ATP9B: variants seen among roughly 807,000 people sequenced by gnomAD.
The protein encoded by ATP9B is probable phospholipid-transporting ATPase IIB.
A neutral mutation model predicts 146.1 loss-of-function variants in ATP9B; 110 were observed. The observed-to-expected ratio is 0.75, with a 90% confidence interval of 0.65 to 0.88. ATP9B has a LOEUF of 0.88. Among genes scored for constraint, ATP9B ranks in the 40% least tolerant of loss-of-function variants. The pLI is 0.00. For synonymous variants in ATP9B, 604 were observed against 569.7 expected (o/e 1.06, Z -0.86); for missense variants, 1,499 against 1,496.4 (o/e 1.00, Z -0.03).
chr18:79,250,490 G>C (rs1468329134), intron 11 of ATP9B, among the ~76,000 whole-genome samples: 1 of 152,160 alleles, frequency 6.6e-6, no homozygotes, highest in Admixed American at 6.6e-5. Context: ...CTGATCCTCA[G>C]TGAGGCCTGA....
chr18:79,246,415 CTG>C (rs1317730567), intron 11 of ATP9B, among the ~76,000 whole-genome samples: 3 of 152,246 alleles, frequency 2.0e-5, no homozygotes, highest in African/African-American at 7.2e-5. Context: ...GCCCTACTGA[CTG>C]TGCACAGCAT....
chr18:79,071,650 G>A (rs1032457281), intron 1 of ATP9B, among the ~76,000 whole-genome samples: 6 of 151,862 alleles, frequency 4.0e-5, no homozygotes, highest in Admixed American at 1.3e-4. Flanking sequence ...GGATTAAGGC[G>A]TGAGCCATGG....
In ATP9B at chr18:79,348,173, G is replaced by T; in HGVS notation, c.2880G>T (p.Leu960Phe). Residue 960 changes from leucine (L) to phenylalanine (F), a missense_variant, in exon 25 of 30, where the codon TTG (leucine) becomes TTT (phenylalanine). Coordinates refer to ENST00000426216, the MANE Select transcript of ATP9B (RefSeq NM_198531.5). ...SSVFYFASVP[L>F]YQGFLMVGYA... ...TCTTCTACTTCGCATCCGTCCCTTT[G>T]TATCAGGGCTTCCTCATGGTGGGGT... The T allele has an allele frequency of 6.4e-7, 1 of 1,563,924 alleles. No individual in the cohort carries two copies. The highest frequency in any genetic ancestry group is 8.7e-7 in the Non-Finnish European group (1 of 1,152,222).
intron 12 of ATP9B, among the ~76,000 whole-genome samples, chr18:79,259,518 G>A (rs1476705131): frequency 6.6e-6 from 1 of 152,230 alleles, no homozygotes; most frequent in Non-Finnish European, 1.5e-5. Flanking sequence ...AGAACCTCTT[G>A]TAAATACAGT....
chr18:79,160,051 T>TTGCTGTTTGTGTTCTGTGTGTC (rs2094854018), intron 7 of ATP9B, among the ~76,000 whole-genome samples: 1 of 152,254 alleles, frequency 6.6e-6, no homozygotes, highest in Non-Finnish European at 1.5e-5. Context: ...ATCTGCAATT[T>TTGCTGTTTGTGTTCTGTGTGTC]TGCTGTTTGT....
At chr18:79,210,244 G>A (rs959068401) in intron 10 of ATP9B, among the ~76,000 whole-genome samples, 2 of 152,240 alleles carry the variant, frequency 1.3e-5, no homozygotes, top group African/African-American at 4.8e-5. Flanking sequence ...AGCATACAAA[G>A]GAGTGTTCCT....
chr18:79,306,885 A>G (rs1287388107), intron 14 of ATP9B, 101 bp from the exon 15 acceptor site: 5 of 1,334,646 alleles, frequency 3.7e-6, no homozygotes, highest in Non-Finnish European at 5.1e-6. Flanking sequence ...ACTTATTTCT[A>G]GCTACTTTGC....
intron 11 of ATP9B, among the ~76,000 whole-genome samples, chr18:79,246,863 C>G (rs182572052): frequency 1.3e-5 from 2 of 152,352 alleles, no homozygotes; most frequent in South Asian, 2.1e-4. Flanking sequence ...GCCTCCTCCT[C>G]CTCCTGATTT....
chr18:79,296,369 A>G (rs544524988), intron 13 of ATP9B, among the ~76,000 whole-genome samples: 25 of 152,330 alleles, frequency 1.6e-4, no homozygotes, highest in Non-Finnish European at 3.5e-4. Flanking sequence ...TAGTTTCAAA[A>G]ATCAATTACT....
At chr18:79,375,537 A>G (rs897429234) in intron 29 of ATP9B, 111 bp downstream of exon 29, 14 of 1,520,238 alleles carry the variant, frequency 9.2e-6, no homozygotes, top group African/African-American at 1.4e-5. Context: ...AGTGTTCCTC[A>G]GGAACTCTCT....
intron 1 of ATP9B, among the ~76,000 whole-genome samples, chr18:79,090,001 C>G (rs1167450803): frequency 2.6e-5 from 4 of 152,184 alleles, no homozygotes; most frequent in Admixed American, 6.5e-5. Context: ...TAAGCTCCCA[C>G]ATGTGAGTGA....
chr18:79,324,922 G>T (rs1397018053), intron 15 of ATP9B, among the ~76,000 whole-genome samples: 2 of 152,184 alleles, frequency 1.3e-5, no homozygotes, highest in Non-Finnish European at 2.9e-5. Context: ...ATTGTACATA[G>T]TCATTCCTCC....
At chr18:79,371,035 G>C (rs764943253) in intron 26 of ATP9B, among the ~76,000 whole-genome samples, 6 of 152,192 alleles carry the variant, frequency 3.9e-5, no homozygotes, top group Non-Finnish European at 8.8e-5. Flanking sequence ...AACTTATTTG[G>C]AGTATATAAA....
At chr18:79,223,197 A>G (rs746208703) in intron 11 of ATP9B, among the ~76,000 whole-genome samples, 1 of 152,244 alleles carries the variant, frequency 6.6e-6, no homozygotes, top group Non-Finnish European at 1.5e-5. Flanking sequence ...GGAACAAAAT[A>G]GAGTCCAGCT....
chr18:79,337,094 C>T (rs1408194208), intron 18 of ATP9B, among the ~76,000 whole-genome samples, 185 bp from the exon 19 acceptor site: 2 of 146,904 alleles, frequency 1.4e-5, no homozygotes, highest in African/African-American at 2.6e-5. Flanking sequence ...CGTGTGCACA[C>T]AGGCGCCTCC....
At chr18:79,211,126 A>C (rs1482455060) in intron 10 of ATP9B, among the ~76,000 whole-genome samples, 1 of 152,206 alleles carries the variant, frequency 6.6e-6, no homozygotes, top group Non-Finnish European at 1.5e-5. Flanking sequence ...TGAAATATTG[A>C]GTGGACTACT....
At chr18:79,073,912 C>T (rs1007619280) in intron 1 of ATP9B, among the ~76,000 whole-genome samples, 3 of 152,142 alleles carry the variant, frequency 2.0e-5, no homozygotes, top group African/African-American at 2.4e-5. Context: ...ATGTGATTGC[C>T]TTTTCTAATT....
chr18:79,200,783 A>AG (rs1568389112), intron 9 of ATP9B, among the ~76,000 whole-genome samples: 86 of 11,486 alleles, frequency 7.5e-3, no homozygotes, highest in South Asian at 9.6e-3. Flanking sequence ...GAGCAGAAGT[A>AG]GTGGTGGAAT....
At chr18:79,100,207 T>C (rs891982609) in intron 2 of ATP9B, among the ~76,000 whole-genome samples, 1 of 152,220 alleles carries the variant, frequency 6.6e-6, no homozygotes, top group African/African-American at 2.4e-5. Flanking sequence ...TTGTAGCAAA[T>C]TTTCTTTGTG....
Sources: allele counts gnomAD v4.1 joint callset (sites outside exome capture counted in the v4.1 genomes callset), GRCh38; gene constraint gnomAD v4.1.1; transcripts MANE v1.5; gene names NCBI Gene and HGNC (gene_info 2026-07-23, HGNC 2026-07-21).